Variants in PLAG1 observed in about 807,000 individuals in gnomAD.
The protein encoded by PLAG1 is PLAG1 zinc finger.
A neutral mutation model predicts 35.5 loss-of-function variants in PLAG1; 7 were observed. The observed-to-expected ratio is 0.20, with a 90% confidence interval of 0.11 to 0.37. The LOEUF is 0.37. PLAG1 is among the 10% of genes least tolerant of loss of function. PLAG1 has a pLI of 1.00. For missense variants in PLAG1, 454 were observed against 602.8 expected, an observed-to-expected ratio of 0.75 and a Z score of 2.58; for synonymous variants, 229 against 225.4, an observed-to-expected ratio of 1.02 and a Z score of -0.14.
At chr8:56,178,126 G>T in intron 2 of PLAG1, 1 of 358,630 alleles carries the variant, frequency 2.8e-6, no homozygotes, top group Non-Finnish European at 3.9e-6. Flanking sequence ...GAAGTTCTAT[G>T]GGAAGGAAAA....
chr8:56,174,899 T>C (rs892947816), intron 2 of PLAG1, among the ~76,000 whole-genome samples: 4 of 152,166 alleles, frequency 2.6e-5, no homozygotes, highest in African/African-American at 7.2e-5. Flanking sequence ...ATGTGAAGAG[T>C]TCATGGCAGG....
chr8:56,188,342 G>T (rs1259602593), intron 1 of PLAG1, among the ~76,000 whole-genome samples: 1 of 152,212 alleles, frequency 6.6e-6, no homozygotes, highest in South Asian at 2.1e-4. Context: ...GATTCATACC[G>T]CAAAGGAGGC....
At chr8:56,178,089 A>G (rs1811761370) in intron 2 of PLAG1, 5 of 622,060 alleles carry the variant, frequency 8.0e-6, no homozygotes, top group African/African-American at 2.1e-5. Flanking sequence ...CAGGTTGATC[A>G]TGATTTATCA....
At chr8:56,205,467 A>T (rs1466250259) in intron 1 of PLAG1, among the ~76,000 whole-genome samples, 1 of 151,906 alleles carries the variant, frequency 6.6e-6, no homozygotes, top group Non-Finnish European at 1.5e-5. Flanking sequence ...TTATGAAACC[A>T]GCAATTGGTA....
intron 1 of PLAG1, among the ~76,000 whole-genome samples, chr8:56,184,102 C>T (rs61690651): frequency 0.21 from 32,416 of 152,020 alleles, 3,793 homozygotes; most frequent in African/African-American, 0.31. Context: ...AGTTGATAAA[C>T]TACTTGCACC....
chr8:56,197,800 G>C (rs1812427521), intron 1 of PLAG1, among the ~76,000 whole-genome samples: 1 of 152,174 alleles, frequency 6.6e-6, no homozygotes, highest in African/African-American at 2.4e-5. Context: ...AACAGGGCTT[G>C]CTGCAGGTGA....
chr8:56,208,789 T>C (rs1812770383), intron 1 of PLAG1, among the ~76,000 whole-genome samples: 1 of 152,124 alleles, frequency 6.6e-6, no homozygotes, highest in Non-Finnish European at 1.5e-5. Context: ...ATCTAAAACA[T>C]AAGAGCCGAT....
chr8:56,176,850 T>C (rs1440012022), intron 2 of PLAG1, among the ~76,000 whole-genome samples: 1 of 152,128 alleles, frequency 6.6e-6, no homozygotes, highest in Non-Finnish European at 1.5e-5. Flanking sequence ...ACACCAACTA[T>C]AAAAATGTTC....
rs1812233635 is a variant in PLAG1 at position 56,193,027 on chromosome 8, T to C, written c.-321-13514A>G. Among the ~76,000 whole-genome samples, 3 of 152,144 alleles carry C rather than the reference T, an allele frequency of 2.0e-5. No individual in the cohort carries two copies. The South Asian group carries it at 6.2e-4, about 32-fold the overall frequency. ...AACAGCAGGTATGGACCTTACTGGA[T>C]TTGGATCATGGAAATCTTTAAAAAC... On this transcript the variant is annotated intron_variant, in intron 1 of 4. Coordinates refer to ENST00000316981, the MANE Select transcript of PLAG1 (RefSeq NM_002655.3).
At position 56,164,530 on chromosome 8, in the gene PLAG1, G is replaced by T. The variant is rs745969739; in HGVS notation, c.*1713C>A. The T allele has an allele frequency of 1.3e-5, 3 of 223,916 alleles. No homozygotes were observed. The highest frequency in any genetic ancestry group is 2.7e-5 in the Non-Finnish European group (3 of 112,046). The allele number at this position is 223,916 out of a possible 1,614,324, so 13.9% of individuals were successfully genotyped here. The stretch of plus-strand genomic sequence containing the variant: ...AAAAGGAAAGAAGTTTCCATATAGG[G>T]CTAATGAGTGCTCAGAAATATTTTT... On this transcript the variant is annotated 3_prime_UTR_variant, in exon 5 of 5. Coordinates refer to ENST00000316981, the MANE Select transcript of PLAG1 (RefSeq NM_002655.3).
intron 2 of PLAG1, among the ~76,000 whole-genome samples, 192 bp downstream of exon 2, chr8:56,179,217 G>A (rs1288519238): frequency 6.6e-6 from 1 of 152,006 alleles, no homozygotes; most frequent in African/African-American, 2.4e-5. Flanking sequence ...AGTATTTCAA[G>A]CCTCCCATTC....
chr8:56,209,427 G>C (rs77124249), intron 1 of PLAG1: 3 of 152,204 alleles, frequency 2.0e-5, no homozygotes, highest in African/African-American at 7.2e-5. Context: ...GAAAGGGAAG[G>C]CTCTTCCATC....
chr8:56,174,650 C>T (rs148075541), intron 2 of PLAG1, among the ~76,000 whole-genome samples: 2 of 152,150 alleles, frequency 1.3e-5, no homozygotes, highest in Admixed American at 1.3e-4. Flanking sequence ...ATCACAATGA[C>T]CTACAGGCTT....
chr8:56,197,937 C>T (rs1291700923), intron 1 of PLAG1, among the ~76,000 whole-genome samples: 1 of 152,164 alleles, frequency 6.6e-6, no homozygotes, highest in African/African-American at 2.4e-5. Context: ...TCTCTCCCAA[C>T]CTTGCTGTTC....
At chr8:56,175,282 A>G (rs150692559) in intron 2 of PLAG1, among the ~76,000 whole-genome samples, 152 of 152,354 alleles carry the variant, frequency 1.0e-3, no homozygotes, top group African/African-American at 3.6e-3. Context: ...CCCATTCGTA[A>G]TAAAAATTTC....
intron 1 of PLAG1, among the ~76,000 whole-genome samples, chr8:56,206,931 T>C (rs1812717319): frequency 6.6e-6 from 1 of 151,940 alleles, no homozygotes; most frequent in African/African-American, 2.4e-5. Context: ...AACTCTTCCC[T>C]TACTCAAATA....
Position 56,167,262 on chromosome 8 carries a change from T to G in PLAG1, c.484A>C (p.Thr162Pro). 1 of 1,614,098 alleles carries G rather than the reference T, an allele frequency of 6.2e-7. No individual in the cohort carries two copies. Among genetic ancestry groups the G allele is most frequent in the Non-Finnish European group, 8.5e-7 (1 of 1,180,014 alleles). ...TTAAGGTGCTCCAGAAGCACTCCCG[T>G]GCTTTCAAAAGTTTGCAAACATACC... ...CKVCLQTFES[T>P]GVLLEHLKSH... Residue 162 changes from threonine (T) to proline (P), a missense_variant, in exon 5 of 5, where the codon ACG becomes CCG. Around this residue, in one of 4 missense-constraint regions of PLAG1, gnomAD observed 170 missense variants for 226.3 expected, o/e 0.75. Transcript: ENST00000316981. This position sits in a 1 kb window ranked among gnomAD's most constrained non-coding sequence, Gnocchi z 5.9.
intron 1 of PLAG1, among the ~76,000 whole-genome samples, chr8:56,209,736 TACTCCAGCCTTGC>T (rs1302823221): frequency 6.6e-6 from 1 of 152,128 alleles, no homozygotes; most frequent in East Asian, 1.9e-4. Flanking sequence ...CCCCAAAAGG[TACTCCAGCCTTGC>T]ACTCCAGCCT....
intron 1 of PLAG1, among the ~76,000 whole-genome samples, chr8:56,191,321 C>T (rs1272655128): frequency 6.6e-6 from 1 of 151,952 alleles, no homozygotes; most frequent in Non-Finnish European, 1.5e-5. Flanking sequence ...AGAAGGAGGC[C>T]CAGAAGCATA....
Sources: gnomAD v4.1 joint callset for allele counts (sites outside exome capture counted in the v4.1 genomes callset) on GRCh38, gnomAD v4.1.1 for gene constraint, gnomAD v4.1.1 regional missense constraint, Gnocchi (gnomAD v3.1) non-coding constraint, MANE v1.5 for transcripts, NCBI Gene and HGNC (gene_info 2026-07-23, HGNC 2026-07-21) for gene names.